TMA16: variants seen among roughly 807,000 people sequenced by gnomAD.
TMA16 encodes translation machinery associated 16 homolog.
In TMA16, 26 loss-of-function variants were observed where a neutral mutation model predicts 27.1. The observed-to-expected ratio is 0.96, with a 90% CI of 0.70 to 1.33. The LOEUF (loss-of-function observed/expected upper bound fraction) is 1.33, where lower values mean the gene tolerates loss of function less well. Among genes scored for constraint, TMA16 ranks in the 40% most tolerant of loss-of-function variants. The pLI is 0.00. For missense variants in TMA16, 233 were observed against 241.4 expected (o/e 0.97, Z 0.23); for synonymous variants, 71 against 81.9 (o/e 0.87, Z 0.72).
chr4:163,516,506 A>G (rs186771790), intron 5 of TMA16, among the ~76,000 whole-genome samples: 7 of 152,348 alleles, frequency 4.6e-5, no homozygotes, highest in African/African-American at 1.7e-4. Flanking sequence ...TGTAGCAAAC[A>G]TGCTTATTTT....
intron 1 of TMA16, among the ~76,000 whole-genome samples, chr4:163,500,253 C>T (rs898476426): frequency 3.3e-5 from 5 of 149,594 alleles, no homozygotes; most frequent in Admixed American, 1.3e-4. Flanking sequence ...CTCTGTCACC[C>T]AGGCTGGAGT....
chr4:163,504,806 T>C (rs1737697436), intron 1 of TMA16, among the ~76,000 whole-genome samples: 1 of 152,218 alleles, frequency 6.6e-6, no homozygotes, highest in South Asian at 2.1e-4. Flanking sequence ...GCTGAGGATC[T>C]GCCTCTAAGC....
rs780182061 is a variant in TMA16, at chr4:163,507,116, A to G, written c.87A>G (p.Arg29=). ...GTAGAAAAGCAGCTCAAATTACGAGAGAGGCCCACAAACAAGAAAAAAAGG... is the reference window on the plus strand; with the variant it reads ...GTAGAAAAGCAGCTCAAATTACGAGGGAGGCCCACAAACAAGAAAAAAAGG... ...PYSRKAAQIT[R]EAHKQEKKEK... is the part of the protein sequence containing the mutation. Residue 29 remains arginine, a synonymous_variant, in exon 2 of 7, where the codon AGA becomes AGG. Coordinates refer to ENST00000358572, the MANE Select transcript of TMA16 (RefSeq NM_018352.3). 2 of 1,587,518 alleles carry G rather than the reference A, an allele frequency of 1.3e-6. No individual in the cohort carries two copies. The highest frequency in any genetic ancestry group is 2.3e-5 in the South Asian group (2 of 86,980).
chr4:163,512,729 T>G, intron 2 of TMA16, 93 bp from the exon 3 acceptor site: 1 of 862,016 alleles, frequency 1.2e-6, no homozygotes. Context: ...TAATTAGAGT[T>G]CTTTAGGCAG....
intron 1 of TMA16, among the ~76,000 whole-genome samples, chr4:163,503,385 C>G (rs1178113564): frequency 6.6e-6 from 1 of 152,124 alleles, no homozygotes; most frequent in Non-Finnish European, 1.5e-5. Flanking sequence ...ATGATCACTC[C>G]TTTATGTCTC....
At chr4:163,507,270 T>C (rs1042179704) in intron 2 of TMA16, 125 bp downstream of exon 2, 63 of 844,814 alleles carry the variant, frequency 7.5e-5, no homozygotes, top group Middle Eastern at 2.5e-4. Context: ...GTGTGTTCTG[T>C]ATGCAGAGGG....
At chr4:163,501,638 T>A (rs1224974948) in intron 1 of TMA16, among the ~76,000 whole-genome samples, 1 of 152,212 alleles carries the variant, frequency 6.6e-6, no homozygotes, top group African/African-American at 2.4e-5. Flanking sequence ...TCCAGAGATA[T>A]ACAGTGATGC....
chr4:163,516,862 G>C (rs930387410), intron 5 of TMA16, among the ~76,000 whole-genome samples: 6 of 151,926 alleles, frequency 3.9e-5, no homozygotes, highest in Non-Finnish European at 7.4e-5. Flanking sequence ...TTATACGTTT[G>C]AAAACATTGT....
At chr4:163,497,801 G>A (rs540252362) in intron 1 of TMA16, among the ~76,000 whole-genome samples, 1 of 152,288 alleles carries the variant, frequency 6.6e-6, no homozygotes, top group South Asian at 2.1e-4. Flanking sequence ...AGGTTCTGGA[G>A]GAATCAGGGC....
intron 2 of TMA16, among the ~76,000 whole-genome samples, chr4:163,508,834 G>A (rs1737752661): frequency 6.6e-6 from 1 of 152,200 alleles, no homozygotes; most frequent in South Asian, 2.1e-4. Context: ...TCAGCATGTT[G>A]TGTATTGATT....
intron 1 of TMA16, among the ~76,000 whole-genome samples, chr4:163,500,727 A>G (rs112315950): frequency 6.6e-6 from 1 of 152,338 alleles, no homozygotes; most frequent in East Asian, 1.9e-4. Flanking sequence ...GGCCAGGCCA[A>G]CAAGAAAATC....
At chr4:163,510,427 T>A (rs960508467) in intron 2 of TMA16, among the ~76,000 whole-genome samples, 1 of 152,222 alleles carries the variant, frequency 6.6e-6, no homozygotes, top group Non-Finnish European at 1.5e-5. Flanking sequence ...TAATTTGCTC[T>A]TTATTTTGAT....
intron 1 of TMA16, among the ~76,000 whole-genome samples, chr4:163,506,094 G>T (rs1313643078): frequency 1.3e-5 from 2 of 152,070 alleles, no homozygotes; most frequent in African/African-American, 4.8e-5. Flanking sequence ...AAAAGGATCT[G>T]CAACTTCCCA....
intron 1 of TMA16, among the ~76,000 whole-genome samples, chr4:163,498,908 T>C (rs1328192334): frequency 1.3e-5 from 2 of 152,140 alleles, no homozygotes; most frequent in Non-Finnish European, 2.9e-5. Context: ...TCTACTCACT[T>C]TTGCCTCTCA....
intron 5 of TMA16, chr4:163,515,931 C>G (rs74710187): frequency 1.5e-3 from 230 of 157,706 alleles, no homozygotes; most frequent in African/African-American, 4.9e-3. Flanking sequence ...ATCAGAAACT[C>G]TACAGTCACT....
intron 1 of TMA16, among the ~76,000 whole-genome samples, chr4:163,496,255 A>G (rs556813383): frequency 9.2e-4 from 140 of 152,322 alleles, no homozygotes; most frequent in African/African-American, 3.1e-3. Flanking sequence ...TCTTGGCAAA[A>G]TTACTTAACC....
At chr4:163,494,921 G>T in intron 1 of TMA16, 117 bp downstream of exon 1, 1 of 1,475,494 alleles carries the variant, frequency 6.8e-7, no homozygotes, top group Admixed American at 1.7e-5. Context: ...GATGCAAAGT[G>T]TTTATTTTCA....
chr4:163,512,284 C>T (rs537363644), intron 2 of TMA16: 1 of 152,266 alleles, frequency 6.6e-6, no homozygotes, highest in East Asian at 1.9e-4. Flanking sequence ...CAGAGGTCTC[C>T]TGAATGAGTA....
At chr4:163,500,271 T>A (rs1277476984) in intron 1 of TMA16, among the ~76,000 whole-genome samples, 1 of 149,526 alleles carries the variant, frequency 6.7e-6, no homozygotes, top group African/African-American at 2.5e-5. Flanking sequence ...AGTATGGTGG[T>A]GCTATCTCAG....
Sources: allele counts gnomAD v4.1 joint callset (sites outside exome capture counted in the v4.1 genomes callset), GRCh38; gene constraint gnomAD v4.1.1; transcripts MANE v1.5; gene names NCBI Gene and HGNC (gene_info 2026-07-23, HGNC 2026-07-21).